The following PLPPR5 variants were observed in gnomAD, a reference collection of about 807,000 sequenced individuals.
PLPPR5 encodes phospholipid phosphatase related 5.
PLPPR5 carries 16 observed loss-of-function variants against 33.9 expected under a neutral mutation model. The observed-to-expected ratio is 0.47, with a 90% CI of 0.32 to 0.72. The LOEUF is 0.72. Ranked by LOEUF, PLPPR5 falls within the 30% of genes least tolerant of loss-of-function variation. The pLI, the probability that PLPPR5 is intolerant of heterozygous loss-of-function variation, is 0.03. For synonymous variants in PLPPR5, 163 were observed against 150.3 expected (o/e 1.08, Z -0.62); for missense variants, 301 against 406.7 (o/e 0.74, Z 2.23).
rs148785120 is a variant in PLPPR5 at position 98,912,033 on chromosome 1, C to T, written c.933+2753G>A. ...ATCCTTCCACCTTAGCCTCCCAAAG[C>T]GCTGGGATTACAAGCATGAACCACT... is the stretch of plus-strand genomic sequence containing the variant. On this transcript the variant is annotated intron_variant, in intron 5 of 5. Transcript: ENST00000263177. Among the ~76,000 whole-genome samples, 492 of 152,198 alleles carry T rather than the reference C, an allele frequency of 3.2e-3. 3 individuals are homozygous for T. The highest frequency in any genetic ancestry group is 0.011 in the African/African-American group (463 of 41,524).
At chr1:98,948,988 A>G (rs1254250430) in intron 3 of PLPPR5, among the ~76,000 whole-genome samples, 1 of 152,154 alleles carries the variant, frequency 6.6e-6, no homozygotes, top group Admixed American at 6.5e-5. Context: ...ATTGGAAGTG[A>G]CCCGAGGAGG....
chr1:98,926,460 G>A (rs1649767865), intron 3 of PLPPR5, among the ~76,000 whole-genome samples: 1 of 141,012 alleles, frequency 7.1e-6, no homozygotes, highest in Admixed American at 7.0e-5. Context: ...GTGTGTGTGT[G>A]TGTGTGTGTG....
At chr1:98,959,964 A>G (rs759335295) in intron 1 of PLPPR5, among the ~76,000 whole-genome samples, 1 of 152,050 alleles carries the variant, frequency 6.6e-6, no homozygotes. Flanking sequence ...TCTTTCCAGC[A>G]TGTTCTCTGG....
intron 1 of PLPPR5, among the ~76,000 whole-genome samples, chr1:99,001,671 G>GATATATATATATATATAGATATAGAT (rs1553173326): frequency 9.8e-6 from 1 of 102,190 alleles, no homozygotes; most frequent in Admixed American, 1.0e-4. Flanking sequence ...GAAAGTTAAA[G>GATATATATATATATATAGATATAGAT]ATATATATAT....
chr1:99,000,752 T>C (rs1402168131), intron 1 of PLPPR5, among the ~76,000 whole-genome samples: 1 of 152,216 alleles, frequency 6.6e-6, no homozygotes, highest in African/African-American at 2.4e-5. Context: ...GATATGCATA[T>C]ATACATACAT....
chr1:98,930,867 A>G (rs957256164), intron 3 of PLPPR5, among the ~76,000 whole-genome samples: 4 of 152,030 alleles, frequency 2.6e-5, no homozygotes, highest in Non-Finnish European at 5.9e-5. Flanking sequence ...TCCTACATCC[A>G]TTCCCACTGA....
intron 4 of PLPPR5, among the ~76,000 whole-genome samples, chr1:98,917,948 T>C (rs1013069746): frequency 1.3e-5 from 2 of 152,226 alleles, no homozygotes; most frequent in Non-Finnish European, 2.9e-5. Flanking sequence ...CTGATGTGCT[T>C]ATATAATTTA....
chr1:98,994,394 C>A (rs1042933170), intron 1 of PLPPR5, among the ~76,000 whole-genome samples: 1 of 151,946 alleles, frequency 6.6e-6, no homozygotes. Context: ...AGGTCATCAA[C>A]AAATTAATGA....
chr1:98,933,127 A>T (rs185476863), intron 3 of PLPPR5, among the ~76,000 whole-genome samples: 1 of 152,216 alleles, frequency 6.6e-6, no homozygotes. Context: ...TTCAGGTCAG[A>T]TAAAGTTTTT....
chr1:98,948,066 T>C (rs1650626966), intron 3 of PLPPR5, among the ~76,000 whole-genome samples: 1 of 152,140 alleles, frequency 6.6e-6, no homozygotes, highest in African/African-American at 2.4e-5. Context: ...GCTCACCCTA[T>C]TGTTTCTACT....
intron 3 of PLPPR5, among the ~76,000 whole-genome samples, chr1:98,949,578 G>C (rs1474316170): frequency 1.3e-5 from 2 of 152,010 alleles, no homozygotes; most frequent in Non-Finnish European, 2.9e-5. Flanking sequence ...TTGAATATAT[G>C]GCTGTTTTCT....
At chr1:98,929,545 G>C (rs57621193) in intron 3 of PLPPR5, among the ~76,000 whole-genome samples, 5,574 of 152,234 alleles carry the variant, frequency 0.037, 323 homozygotes, top group African/African-American at 0.13. Context: ...TGTGATGTAA[G>C]TAACAACAAC....
chr1:98,948,291 A>G (rs1230141610), intron 3 of PLPPR5, among the ~76,000 whole-genome samples: 1 of 152,178 alleles, frequency 6.6e-6, no homozygotes, highest in Non-Finnish European at 1.5e-5. Context: ...ATTGTTGTGC[A>G]TGGGACTTTG....
At chr1:98,925,858 CCTT>C (rs987652739) in intron 3 of PLPPR5, among the ~76,000 whole-genome samples, 10 of 152,154 alleles carry the variant, frequency 6.6e-5, no homozygotes, top group Admixed American at 3.9e-4. Context: ...CATACACAAT[CCTT>C]CTGTGTGTTC....
Position 99,004,567 on chromosome 1 carries a change from C to A in PLPPR5, c.105G>T (p.Thr35=), listed in dbSNP as rs369479717. The A allele has an allele frequency of 6.2e-7, 1 of 1,612,910 alleles. No homozygotes were observed. Among genetic ancestry groups the A allele is most frequent in the Admixed American group, 1.7e-5 (1 of 60,004 alleles). The part of the protein sequence containing the change: ...MLAYYFEYTD[T]FTVNVQGFFC... ...AGAAGCCCTGCACGTTCACGGTGAA[C>A]GTGTCCGTATACTCGAAGTAGTACG... Residue 35 remains threonine (T), a synonymous_variant, in exon 1 of 6, where the codon ACG becomes ACT. Coordinates refer to ENST00000263177, the MANE Select transcript of PLPPR5 (RefSeq NM_001037317.2).
intron 3 of PLPPR5, among the ~76,000 whole-genome samples, chr1:98,936,251 T>C (rs1650165641): frequency 6.6e-6 from 1 of 152,222 alleles, no homozygotes; most frequent in Non-Finnish European, 1.5e-5. Flanking sequence ...TTCACACAAA[T>C]ACAGTGTACC....
intron 5 of PLPPR5, among the ~76,000 whole-genome samples, chr1:98,893,949 T>C (rs1415710211): frequency 2.6e-5 from 4 of 152,056 alleles, no homozygotes; most frequent in Admixed American, 6.6e-5. Flanking sequence ...GAATTTCATA[T>C]GATGAATGTA....
intron 3 of PLPPR5, among the ~76,000 whole-genome samples, chr1:98,925,813 A>G (rs890113235): frequency 1.3e-5 from 2 of 152,230 alleles, no homozygotes; most frequent in East Asian, 3.8e-4. Context: ...GTTCCAGGCA[A>G]AAGGGAAATG....
At chr1:98,982,543 C>T (rs1652091577) in intron 1 of PLPPR5, among the ~76,000 whole-genome samples, 4 of 152,088 alleles carry the variant, frequency 2.6e-5, no homozygotes, top group Admixed American at 6.6e-5. Context: ...TTTTCTATTT[C>T]TGCTTTCTTC....
Sources: gnomAD v4.1 joint callset for allele counts (sites outside exome capture counted in the v4.1 genomes callset) on GRCh38, gnomAD v4.1.1 for gene constraint, MANE v1.5 for transcripts, NCBI Gene and HGNC (gene_info 2026-07-23, HGNC 2026-07-21) for gene names.